PPP3CA: variants seen among roughly 807,000 people sequenced by gnomAD.
PPP3CA encodes CAM-PRP catalytic subunit.
In PPP3CA, 14 loss-of-function variants were observed where a neutral mutation model predicts 66.5. The observed-to-expected ratio is 0.21, with a 90% CI of 0.14 to 0.33. The LOEUF is 0.33. Ranked by LOEUF, PPP3CA falls within the 10% of genes least tolerant of loss-of-function variation. PPP3CA has a pLI of 1.00. For synonymous variants in PPP3CA, 232 were observed against 226.2 expected, an observed-to-expected ratio of 1.03 and a Z score of -0.23; for missense variants, 317 against 639.5, an observed-to-expected ratio of 0.50 and a Z score of 5.44.
intron 1 of PPP3CA, among the ~76,000 whole-genome samples, chr4:101,332,971 T>C (rs1344566782): frequency 2.0e-5 from 3 of 152,226 alleles, no homozygotes; most frequent in South Asian, 2.1e-4. Context: ...TCTTTTCTTT[T>C]TGAAAGACAG....
intron 6 of PPP3CA, among the ~76,000 whole-genome samples, chr4:101,091,142 A>C (rs2110247332): frequency 6.6e-6 from 1 of 152,278 alleles, no homozygotes; most frequent in African/African-American, 2.4e-5. Context: ...CTCAATATCA[A>C]AATCAAGAGT....
chr4:101,030,971 T>TA (rs956562623), intron 12 of PPP3CA, among the ~76,000 whole-genome samples: 9 of 151,758 alleles, frequency 5.9e-5, no homozygotes, highest in African/African-American at 2.2e-4. Context: ...GTTTTTTTTT[T>TA]AAAGTTGTTA....
At chr4:101,237,950 T>C (rs1464604611) in intron 1 of PPP3CA, among the ~76,000 whole-genome samples, 2 of 152,050 alleles carry the variant, frequency 1.3e-5, no homozygotes, top group Non-Finnish European at 2.9e-5. Flanking sequence ...GAGCTCACCA[T>C]AGGGCTGACT....
In PPP3CA at chr4:101,135,429, T is replaced by C. The variant is rs1008586893; in HGVS notation, c.260-26351A>G. ...TTTAACACACACTGGCAAAACAGAA[T>C]ACACTCAGGATTAACATTATTCTGG... On this transcript the variant is annotated intron_variant, in intron 2 of 13. Transcript: ENST00000394854. Among the ~76,000 whole-genome samples the C allele has an allele frequency of 2.6e-5, 4 of 152,140 alleles. No homozygotes were observed. In the South Asian group the frequency reaches 8.3e-4, roughly 32 times the overall value.
intron 1 of PPP3CA, among the ~76,000 whole-genome samples, chr4:101,317,914 A>G (rs1728929754): frequency 6.6e-6 from 1 of 152,208 alleles, no homozygotes; most frequent in Non-Finnish European, 1.5e-5. Flanking sequence ...AAAAACAACA[A>G]TATCTACCTC....
intron 8 of PPP3CA, among the ~76,000 whole-genome samples, chr4:101,079,109 G>T (rs374276731): frequency 6.6e-6 from 1 of 152,170 alleles, no homozygotes; most frequent in African/African-American, 2.4e-5. Context: ...TGGGCTATGG[G>T]AAAGTGGAAT....
intron 5 of PPP3CA, among the ~76,000 whole-genome samples, chr4:101,096,144 T>C (rs1730186266): frequency 6.6e-6 from 1 of 152,218 alleles, no homozygotes; most frequent in Non-Finnish European, 1.5e-5. Flanking sequence ...GCATGCATTT[T>C]CTTTCCAATA....
intron 1 of PPP3CA, among the ~76,000 whole-genome samples, chr4:101,335,898 T>C (rs1729614556): frequency 6.6e-6 from 1 of 152,158 alleles, no homozygotes; most frequent in Non-Finnish European, 1.5e-5. Flanking sequence ...GGTAGACTCC[T>C]AGGATGGAGG....
At chr4:101,294,544 A>AT (rs1553939312) in intron 1 of PPP3CA, among the ~76,000 whole-genome samples, 2 of 151,942 alleles carry the variant, frequency 1.3e-5, no homozygotes, top group Non-Finnish European at 2.9e-5. Context: ...TTAATCATTT[A>AT]TATTAAGGCC....
chr4:101,051,445 T>C (rs1728005439), intron 10 of PPP3CA, among the ~76,000 whole-genome samples: 1 of 152,164 alleles, frequency 6.6e-6, no homozygotes, highest in Non-Finnish European at 1.5e-5. Context: ...AATCCATTAA[T>C]GCTTTAGTAC....
chr4:101,035,066 G>C (rs1262560004), intron 11 of PPP3CA, among the ~76,000 whole-genome samples: 1 of 152,064 alleles, frequency 6.6e-6, no homozygotes, highest in Non-Finnish European at 1.5e-5. Context: ...AGGAGTTTGA[G>C]ACCAGCCTGG....
chr4:101,226,929 G>A (rs925028), intron 1 of PPP3CA, among the ~76,000 whole-genome samples: 4 of 151,390 alleles, frequency 2.6e-5, no homozygotes, highest in Admixed American at 6.6e-5. Flanking sequence ...CATGGTTCAG[G>A]ATAATTATTT....
intron 1 of PPP3CA, among the ~76,000 whole-genome samples, chr4:101,237,545 C>T (rs1443191180): frequency 3.3e-5 from 5 of 152,050 alleles, no homozygotes; most frequent in Non-Finnish European, 7.4e-5. Flanking sequence ...TTACCTATAG[C>T]TTCATAATTG....
intron 2 of PPP3CA, among the ~76,000 whole-genome samples, chr4:101,121,562 A>G (rs1444283478): frequency 6.6e-6 from 1 of 152,144 alleles, no homozygotes; most frequent in Non-Finnish European, 1.5e-5. Flanking sequence ...CAGAACAGAA[A>G]AACGTTCTAA....
At chr4:101,056,581 A>C (rs1360272004) in intron 10 of PPP3CA, among the ~76,000 whole-genome samples, 1 of 152,190 alleles carries the variant, frequency 6.6e-6, no homozygotes, top group African/African-American at 2.4e-5. Context: ...AAATGGAATG[A>C]AATATTGAGA....
At chr4:101,340,011 AT>A (rs1442648671) in intron 1 of PPP3CA, among the ~76,000 whole-genome samples, 1 of 152,160 alleles carries the variant, frequency 6.6e-6, no homozygotes, top group African/African-American at 2.4e-5. Flanking sequence ...GCTGATGAAA[AT>A]TTTTTTAATT....
At position 101,080,597 on chromosome 4, in the gene PPP3CA, G is replaced by A; in HGVS notation, c.890C>T (p.Thr297Ile). Reference protein sequence around the residue: ...GYRMYRKSQTTGFPSLITIFS... With the variant: ...GYRMYRKSQTIGFPSLITIFS... ...AATTGTAATTAGAGAAGGGAAGCCT[G>A]TTGTTTGGCTTTTCCTGTACATGCG... Residue 297 changes from threonine to isoleucine, a missense_variant, in exon 8 of 14, where the codon ACA (threonine) becomes ATA (isoleucine). Transcript: ENST00000394854. 6 of 1,531,402 alleles carry A rather than the reference G, an allele frequency of 3.9e-6. No homozygotes were observed. The highest frequency in any genetic ancestry group is 5.3e-6 in the Non-Finnish European group (6 of 1,127,256). The allele number at this position is 1,531,402 out of a possible 1,614,324, so 94.9% of individuals were successfully genotyped here. A position where few individuals can be genotyped will look rare whatever the true frequency, so the allele number is the denominator to read the frequency against.
intron 1 of PPP3CA, among the ~76,000 whole-genome samples, chr4:101,342,865 C>T (rs1460837100): frequency 1.3e-5 from 2 of 152,160 alleles, no homozygotes; most frequent in Non-Finnish European, 2.9e-5. Flanking sequence ...GTAGTATTAT[C>T]AGTCTCACCC....
intron 2 of PPP3CA, among the ~76,000 whole-genome samples, chr4:101,139,939 G>A (rs866712250): frequency 1.5e-4 from 23 of 150,410 alleles, no homozygotes; most frequent in African/African-American, 2.4e-4. Context: ...TTTTTTTTCC[G>A]GGTATTTTTA....
Sources: allele counts gnomAD v4.1 joint callset (sites outside exome capture counted in the v4.1 genomes callset), GRCh38; gene constraint gnomAD v4.1.1; transcripts MANE v1.5; gene names NCBI Gene and HGNC (gene_info 2026-07-23, HGNC 2026-07-21).